The following VPS41 variants were observed in gnomAD, a reference collection of about 807,000 sequenced individuals.
The protein encoded by VPS41 is vacuolar protein sorting-associated protein 41 homolog.
A neutral mutation model predicts 130.9 loss-of-function variants in VPS41; 85 were observed. The ratio of observed to expected loss-of-function variants is 0.65; its 90% CI spans 0.55 to 0.78. The LOEUF (loss-of-function observed/expected upper bound fraction) is 0.78, where lower values mean the gene tolerates loss of function less well. Ranked by LOEUF, VPS41 falls within the 30% of genes least tolerant of loss-of-function variation. The probability of loss-of-function intolerance (pLI) is 0.00; values close to 1 mark genes in which losing one functional copy is unlikely to be tolerated. For synonymous variants in VPS41, 335 were observed against 332.9 expected (o/e 1.01, Z -0.07); for missense variants, 874 against 1,018.7 (o/e 0.86, Z 1.93).
At chr7:38,761,910 TA>T (rs1396830315) in intron 17 of VPS41, among the ~76,000 whole-genome samples, 5 of 152,202 alleles carry the variant, frequency 3.3e-5, no homozygotes, top group East Asian at 1.9e-4. Flanking sequence ...CTATATAAGA[TA>T]AAATAGTCTG....
At chr7:38,771,154 T>C (rs779288515) in intron 14 of VPS41, 44 bp downstream of exon 14, 2 of 1,371,352 alleles carry the variant, frequency 1.5e-6, no homozygotes, top group Non-Finnish European at 2.1e-6. Context: ...CTATAACTTA[T>C]TGAAAGATAA....
intron 5 of VPS41, among the ~76,000 whole-genome samples, chr7:38,828,777 C>T (rs939619188): frequency 2.0e-5 from 3 of 151,660 alleles, no homozygotes; most frequent in African/African-American, 7.3e-5. Context: ...AATAGGAAAC[C>T]AAAGGTGTTT....
chr7:38,834,166 T>C (rs1316010053), intron 4 of VPS41, among the ~76,000 whole-genome samples: 2 of 152,080 alleles, frequency 1.3e-5, no homozygotes, highest in Non-Finnish European at 2.9e-5. Context: ...TCTTAAAGAA[T>C]ATCTTCTGAA....
intron 17 of VPS41, among the ~76,000 whole-genome samples, chr7:38,759,725 T>A (rs1254628837): frequency 1.3e-5 from 2 of 152,146 alleles, no homozygotes; most frequent in African/African-American, 4.8e-5. Context: ...GGACTAACTG[T>A]AACATTTGGA....
intron 2 of VPS41, among the ~76,000 whole-genome samples, chr7:38,878,676 C>T (rs146012887): frequency 4.5e-4 from 68 of 152,204 alleles, no homozygotes; most frequent in Admixed American, 2.4e-3. Flanking sequence ...AAAAAGAAAA[C>T]GCAGGGCCAT....
At chr7:38,878,574 G>A (rs571926651) in intron 2 of VPS41, among the ~76,000 whole-genome samples, 52 of 152,094 alleles carry the variant, frequency 3.4e-4, no homozygotes, top group Non-Finnish European at 5.1e-4. Flanking sequence ...ATCAAACCCC[G>A]CATATATTAA....
At position 38,830,344 on chromosome 7, in the gene VPS41, C is replaced by CA. The variant is rs1562602035; in HGVS notation, c.247-17dup. The CA allele has an allele frequency of 1.3e-6, 2 of 1,531,242 alleles. No homozygotes were observed. The highest frequency in any genetic ancestry group is 2.7e-5 in the African/African-American group (2 of 73,398). The allele number at this position is 1,531,242 out of a possible 1,614,324, so 94.9% of individuals were successfully genotyped here. Reference sequence around the variant, plus strand: ...TCACAGGACTCTAAAAAGAAAAAGACAAAAAGATGTGTAAAACTTCAGGAA... The same window carrying CA: ...TCACAGGACTCTAAAAAGAAAAAGACAAAAAAGATGTGTAAAACTTCAGGAA... On this transcript the variant is annotated splice_polypyrimidine_tract_variant and intron_variant, in intron 4 of 28. Coordinates refer to ENST00000310301, the MANE Select transcript of VPS41 (RefSeq NM_014396.4).
intron 21 of VPS41, 149 bp from the exon 22 acceptor site, chr7:38,752,462 G>T (rs1783696622): frequency 1.0e-6 from 1 of 967,716 alleles, no homozygotes; most frequent in Non-Finnish European, 1.5e-6. Flanking sequence ...TGGAGAAGTG[G>T]AAAGGAAAAC....
rs1057431009 is a variant in VPS41 at position 38,772,400 on chromosome 7, C to A, written c.1128+122G>T. 1.9e-5 allele frequency: 12 copies of A among 622,282 alleles called. No individual in the cohort carries two copies. In the African/African-American group the frequency reaches 2.3e-4, roughly 12 times the overall value. The allele number at this position is 622,282 out of a possible 1,614,324, so 38.5% of individuals were successfully genotyped here. A position where few individuals can be genotyped will look rare whatever the true frequency, so the allele number is the denominator to read the frequency against. ...GTACTAGAAAGTTATTAACTTCCTA[C>A]ATATTTTTGGCTTGGGAAACTCTAC... On this transcript the variant is annotated intron_variant, in intron 13 of 28. Transcript: ENST00000310301.
chr7:38,755,372 G>T (rs749750879), intron 19 of VPS41, among the ~76,000 whole-genome samples: 5 of 152,184 alleles, frequency 3.3e-5, no homozygotes, highest in Admixed American at 6.5e-5. Flanking sequence ...TCCACAGACA[G>T]AAGGAGCTGG....
intron 6 of VPS41, among the ~76,000 whole-genome samples, chr7:38,820,197 T>C (rs558039644): frequency 3.9e-5 from 6 of 152,338 alleles, no homozygotes; most frequent in African/African-American, 1.4e-4. Context: ...CTTTCCATCT[T>C]GAACACTCAC....
chr7:38,819,714 C>T (rs74849295), intron 6 of VPS41, among the ~76,000 whole-genome samples: 3,700 of 152,234 alleles, frequency 0.024, 158 homozygotes, highest in African/African-American at 0.084. Context: ...CACCACTCTT[C>T]GGGATTCCTT....
intron 2 of VPS41, among the ~76,000 whole-genome samples, chr7:38,896,769 T>G (rs546406707): frequency 6.6e-6 from 1 of 152,264 alleles, no homozygotes; most frequent in Non-Finnish European, 1.5e-5. Context: ...TTATCATGGC[T>G]AGAGTCATAT....
At chr7:38,782,891 C>T (rs751523971) in intron 10 of VPS41, among the ~76,000 whole-genome samples, 2 of 151,702 alleles carry the variant, frequency 1.3e-5, no homozygotes, top group Admixed American at 6.6e-5. Context: ...CCGAGGTGGA[C>T]GGATCACTTG....
At position 38,771,259 on chromosome 7, in the gene VPS41, A is replaced by T; in HGVS notation, c.1129-5T>A. 6.3e-7 allele frequency: 1 copy of T among 1,575,400 alleles called. No homozygotes were observed. The highest frequency in any genetic ancestry group is 8.6e-7 in the Non-Finnish European group (1 of 1,159,208). Reference sequence around the variant, plus strand: ...TTCAGCTGCCATCAATGCTTCCTTTATTCCAAACATAAGGATGATTTAAAA... The same window carrying T: ...TTCAGCTGCCATCAATGCTTCCTTTTTTCCAAACATAAGGATGATTTAAAA... On this transcript the variant is annotated splice_polypyrimidine_tract_variant and splice_region_variant and intron_variant, in intron 13 of 28. Coordinates refer to ENST00000310301, the MANE Select transcript of VPS41 (RefSeq NM_014396.4).
chr7:38,805,210 T>C (rs1784815138), intron 7 of VPS41, among the ~76,000 whole-genome samples: 2 of 152,284 alleles, frequency 1.3e-5, no homozygotes, highest in South Asian at 4.1e-4. Context: ...AAACACGGGT[T>C]TATGTATTTG....
intron 9 of VPS41, among the ~76,000 whole-genome samples, chr7:38,794,779 T>C (rs1784590284): frequency 6.6e-6 from 1 of 152,230 alleles, no homozygotes; most frequent in African/African-American, 2.4e-5. Context: ...CACTAATTTT[T>C]AGTTTATTTT....
chr7:38,743,584 T>A lies in VPS41; in HGVS notation c.1982-42A>T, dbSNP rs768204047. On this transcript the variant is annotated intron_variant, in intron 23 of 28. Coordinates refer to ENST00000310301, the MANE Select transcript of VPS41 (RefSeq NM_014396.4). ...TGGGAGAAAGAGTTCATTTAAGGTA[T>A]TTTAATAATTTTTTTAAAGAAATTG... 5 of 1,588,528 alleles carry A rather than the reference T, an allele frequency of 3.1e-6. No homozygotes were observed. In the East Asian group the frequency reaches 1.1e-4, roughly 36 times the overall value.
At chr7:38,757,870 A>G (rs1277640875) in intron 18 of VPS41, among the ~76,000 whole-genome samples, 2 of 152,176 alleles carry the variant, frequency 1.3e-5, no homozygotes, top group East Asian at 3.9e-4. Context: ...GAATGTGCCC[A>G]AGAAATATGA....
Sources: gnomAD v4.1 joint callset for allele counts (sites outside exome capture counted in the v4.1 genomes callset) on GRCh38, gnomAD v4.1.1 for gene constraint, MANE v1.5 for transcripts, NCBI Gene and HGNC (gene_info 2026-07-23, HGNC 2026-07-21) for gene names.